RTTN: variants seen among roughly 807,000 people sequenced by gnomAD.
RTTN encodes rotatin.
Under a neutral mutation model 269.2 loss-of-function variants are expected in RTTN, and 182 were observed. The ratio of observed to expected loss-of-function variants is 0.68; its 90% CI spans 0.60 to 0.76. The LOEUF is 0.76. Among genes scored for constraint, RTTN ranks in the 30% least tolerant of loss-of-function variants. RTTN has a pLI of 0.00. For missense variants in RTTN, 2,545 were observed against 2,608.6 expected, an observed-to-expected ratio of 0.98 and a Z score of 0.53; for synonymous variants, 1,006 against 963.5, an observed-to-expected ratio of 1.04 and a Z score of -0.82.
chr18:70,097,008 T>C (rs2059021494), intron 28 of RTTN, among the ~76,000 whole-genome samples: 1 of 152,238 alleles, frequency 6.6e-6, no homozygotes, highest in Admixed American at 6.5e-5. Flanking sequence ...TTTGGAGATA[T>C]CTAACATCTG....
At chr18:70,103,633 G>T (rs1010362354) in intron 28 of RTTN, among the ~76,000 whole-genome samples, 1 of 151,844 alleles carries the variant, frequency 6.6e-6, no homozygotes. Flanking sequence ...AGGCCACAGG[G>T]ACCTCTGCCT....
chr18:70,119,661 G>A (rs984403570), intron 26 of RTTN, among the ~76,000 whole-genome samples: 1 of 152,086 alleles, frequency 6.6e-6, no homozygotes, highest in African/African-American at 2.4e-5. Context: ...AAAAACCTCA[G>A]CACACACGCA....
At chr18:70,025,900 T>C (rs771715469) in intron 43 of RTTN, among the ~76,000 whole-genome samples, 3 of 152,224 alleles carry the variant, frequency 2.0e-5, no homozygotes, top group Non-Finnish European at 4.4e-5. Flanking sequence ...CTCAGGGATC[T>C]TAATCCACCA....
chr18:70,163,650 C>A (rs2060906948), intron 14 of RTTN, among the ~76,000 whole-genome samples: 2 of 152,128 alleles, frequency 1.3e-5, no homozygotes, highest in Admixed American at 6.5e-5. Context: ...ATCTGAAATG[C>A]TTGGGACCAG....
rs185006806 is a variant in RTTN, at chr18:70,039,076, A to G, written c.5542-8095T>C. ...AAATGAGAATAAAGAAGAATGAAGC[A>G]TGCCTATAAAACCTAAAAAATAGCC... On this transcript the variant is annotated intron_variant, in intron 40 of 48. Transcript: ENST00000640769. Among the ~76,000 whole-genome samples, 84 of 152,322 alleles carry G rather than the reference A, an allele frequency of 5.5e-4. 1 individual carries two copies. Among genetic ancestry groups the G allele is most frequent in the Non-Finnish European group, 1.1e-3 (75 of 68,024 alleles).
chr18:70,086,153 C>A (rs11873731), intron 32 of RTTN, among the ~76,000 whole-genome samples: 2,956 of 152,174 alleles, frequency 0.019, 97 homozygotes, highest in African/African-American at 0.066. Context: ...TAACTATCTA[C>A]AAATTTGTTT....
At chr18:70,053,606 A>T (rs1279099285) in intron 38 of RTTN, 2 of 152,226 alleles carry the variant, frequency 1.3e-5, no homozygotes, top group Admixed American at 1.3e-4. Flanking sequence ...GATTGTTTTC[A>T]TTTTCAAAAC....
chr18:70,188,042 G>T, intron 10 of RTTN, 66 bp downstream of exon 10: 2 of 892,782 alleles, frequency 2.2e-6, no homozygotes, highest in Non-Finnish European at 3.7e-6. Flanking sequence ...AATGAAACCG[G>T]CTTAAAAGAA....
At chr18:70,201,061 G>A (rs1010567276) in intron 4 of RTTN, among the ~76,000 whole-genome samples, 1 of 152,222 alleles carries the variant, frequency 6.6e-6, no homozygotes, top group East Asian at 1.9e-4. Context: ...TCACCAGGAA[G>A]GTCTCTGATG....
At chr18:70,065,402 T>C (rs1419632299) in intron 35 of RTTN, among the ~76,000 whole-genome samples, 1 of 152,130 alleles carries the variant, frequency 6.6e-6, no homozygotes, top group African/African-American at 2.4e-5. Flanking sequence ...TGTGCATTTC[T>C]AATAAAATAA....
chr18:70,041,211 A>AAAAT (rs1172589300), intron 40 of RTTN, among the ~76,000 whole-genome samples: 1 of 151,922 alleles, frequency 6.6e-6, no homozygotes, highest in African/African-American at 2.4e-5. Flanking sequence ...CTCTGTCTCA[A>AAAAT]AAATAAATAA....
intron 40 of RTTN, chr18:70,031,209 C>G (rs2057003184): frequency 1.9e-6 from 1 of 530,518 alleles, no homozygotes; most frequent in Non-Finnish European, 3.3e-6. Context: ...AAAGACTCAT[C>G]ATCTACAGAA....
chr18:70,046,852 G>A (rs1167959509), intron 40 of RTTN, among the ~76,000 whole-genome samples: 1 of 152,202 alleles, frequency 6.6e-6, no homozygotes, highest in Non-Finnish European at 1.5e-5. Flanking sequence ...AGATTTTGTA[G>A]CACAAGGGAG....
chr18:70,119,519 A>G (rs2059683944), intron 26 of RTTN, among the ~76,000 whole-genome samples: 1 of 152,108 alleles, frequency 6.6e-6, no homozygotes. Context: ...ACAGGAAAGA[A>G]GAAATGAAAG....
chr18:70,039,223 C>T (rs2144698658), intron 40 of RTTN, among the ~76,000 whole-genome samples: 1 of 152,034 alleles, frequency 6.6e-6, no homozygotes, highest in South Asian at 2.1e-4. Context: ...TTAGAGACCA[C>T]CAAGCAGATT....
At chr18:70,141,772 A>G (rs1287995636) in intron 19 of RTTN, among the ~76,000 whole-genome samples, 1 of 152,176 alleles carries the variant, frequency 6.6e-6, no homozygotes, top group Non-Finnish European at 1.5e-5. Flanking sequence ...AGTATAATTT[A>G]AAAAAATAAA....
chr18:70,005,474 CTTGA>C (rs1236891550), intron 47 of RTTN: 1 of 394,532 alleles, frequency 2.5e-6, no homozygotes, highest in Non-Finnish European at 4.5e-6. Context: ...TCTTATCTAA[CTTGA>C]TTCTTTCTCT....
chr18:70,004,069 A>T lies in RTTN; in HGVS notation c.*82T>A. On this transcript the variant is annotated 3_prime_UTR_variant, in exon 49 of 49. Coordinates refer to ENST00000640769, the MANE Select transcript of RTTN (RefSeq NM_173630.4). ...GTAGAGAGGTAGCACGTCTTCAGGT[A>T]ACAGCTGCTACACACAGCTGGCTTC... 1 of 1,015,952 alleles carries T rather than the reference A, an allele frequency of 9.8e-7. No homozygotes were observed. Among genetic ancestry groups the T allele is most frequent in the South Asian group, 1.3e-5 (1 of 76,234 alleles). The allele number at this position is 1,015,952 out of a possible 1,614,324, so 62.9% of individuals were successfully genotyped here. A position where few individuals can be genotyped will look rare whatever the true frequency, so the allele number is the denominator to read the frequency against.
intron 32 of RTTN, among the ~76,000 whole-genome samples, chr18:70,076,668 C>T (rs766081066): frequency 1.3e-5 from 2 of 151,942 alleles, no homozygotes; most frequent in East Asian, 1.9e-4. Flanking sequence ...TGAGCTTACT[C>T]GTCCTAAACA....
Sources: gnomAD v4.1 joint callset for allele counts (sites outside exome capture counted in the v4.1 genomes callset) on GRCh38, gnomAD v4.1.1 for gene constraint, MANE v1.5 for transcripts, NCBI Gene and HGNC (gene_info 2026-07-23, HGNC 2026-07-21) for gene names.